Variants in PCDHGA11 observed in about 807,000 individuals in gnomAD.
The protein encoded by PCDHGA11 is protocadherin gamma subfamily A, 11, also known as protocadherin gamma-A11.
Under a neutral mutation model 60.4 loss-of-function variants are expected in PCDHGA11, and 39 were observed. The ratio of observed to expected loss-of-function variants is 0.65; its 90% CI spans 0.50 to 0.84. The LOEUF (loss-of-function observed/expected upper bound fraction) is 0.84. Ranked by LOEUF, PCDHGA11 falls within the 40% of genes least tolerant of loss-of-function variation. The probability of loss-of-function intolerance (pLI) is 0.00; values close to 1 mark genes in which losing one functional copy is unlikely to be tolerated. For synonymous variants in PCDHGA11, 533 were observed against 510.3 expected, an observed-to-expected ratio of 1.04 and a Z score of -0.60; for missense variants, 1,165 against 1,197.7, an observed-to-expected ratio of 0.97 and a Z score of 0.40.
At position 141,422,092 on chromosome 5, in the gene PCDHGA11, G is replaced by T; in HGVS notation, c.865G>T (p.Ala289Ser). 6.2e-7 allele frequency: 1 copy of T among 1,611,520 alleles called. No individual in the cohort carries two copies. The highest frequency in any genetic ancestry group is 8.5e-7 in the Non-Finnish European group (1 of 1,179,176). ...MYSFRNMESK[A>S]SEIFQLDSQT... ...TTCATTTCGGAACATGGAAAGCAAG[G>T]CTTCTGAAATATTCCAATTGGATTC... is the stretch of plus-strand genomic sequence containing the variant. The change falls in exon 1 of 4, where the codon GCT becomes TCT. Residue 289 changes from alanine (A) to serine (S), a missense_variant. By Grantham distance (99) the Ala-to-Ser change is moderately conservative. Coordinates refer to ENST00000398587, the MANE Select transcript of PCDHGA11 (RefSeq NM_018914.3).
At chr5:141,451,170 A>G (rs960062747) in intron 1 of PCDHGA11, among the ~76,000 whole-genome samples, 8 of 152,148 alleles carry the variant, frequency 5.3e-5, no homozygotes, top group East Asian at 3.9e-4. Flanking sequence ...GTAGTATATT[A>G]TTTAGCCATT....
chr5:141,454,796 A>ATTTTTTTTTTTTTTTTTTTTTTTTTTTT (rs61612330), intron 1 of PCDHGA11, among the ~76,000 whole-genome samples: 3 of 77,456 alleles, frequency 3.9e-5, no homozygotes, highest in Admixed American at 1.8e-4. Flanking sequence ...CATGGTTCTA[A>ATTTTTTTTTTTTTTTTTTTTTTTTTTTT]TTTTTTTTTT....
chr5:141,509,199 GTC>G (rs1017134758), intron 3 of PCDHGA11, among the ~76,000 whole-genome samples: 1 of 152,070 alleles, frequency 6.6e-6, no homozygotes, highest in Non-Finnish European at 1.5e-5. Context: ...AATATTTCCT[GTC>G]TCTCTATTTC....
intron 1 of PCDHGA11, among the ~76,000 whole-genome samples, chr5:141,450,616 A>G (rs2098687684): frequency 6.6e-6 from 1 of 151,486 alleles, no homozygotes; most frequent in African/African-American, 2.4e-5. Flanking sequence ...CCTCCTGAGT[A>G]GCTGGGATTA....
rs1316659737 is a variant in PCDHGA11 at position 141,490,964 on chromosome 5, C to T, written c.2434-3843C>T. ...CCACGGCCAGACTGGGAACACTCAG[C>T]CCCCCAGCGTCTCCCTCGCTCTGCT... On this transcript the variant is annotated intron_variant, in intron 1 of 3. Transcript: ENST00000398587. The surrounding 1 kb of genome is among the most constrained non-coding windows in gnomAD (Gnocchi z 5.4). 2.5e-6 allele frequency: 4 copies of T among 1,613,608 alleles called. No homozygotes were observed. Among genetic ancestry groups the T allele is most frequent in the East Asian group, 2.2e-5 (1 of 44,882 alleles).
At chr5:141,456,341 C>G (rs950158154) in intron 1 of PCDHGA11, among the ~76,000 whole-genome samples, 4 of 152,034 alleles carry the variant, frequency 2.6e-5, no homozygotes, top group Admixed American at 1.3e-4. Context: ...TAAGGGTCCT[C>G]GGAAGAATGG....
intron 1 of PCDHGA11, chr5:141,427,980 G>A (rs1398178738): frequency 6.3e-7 from 1 of 1,596,206 alleles, no homozygotes. Context: ...CCCCGCGCTG[G>A]GGCCCGATGG....
chr5:141,466,415 C>T (rs995296505), intron 1 of PCDHGA11, among the ~76,000 whole-genome samples: 6 of 152,136 alleles, frequency 3.9e-5, no homozygotes, highest in Non-Finnish European at 8.8e-5. Context: ...ATTTTTCAGT[C>T]AGAATTGTGT....
chr5:141,489,165 G>T lies in PCDHGA11; in HGVS notation c.2434-5642G>T. ...GAAGGAGACATAAGAGACTTCAGCT[G>T]CTGCATTCCAAGCCCTGGGTCTACC... On this transcript the variant is annotated intron_variant, in intron 1 of 3. Coordinates refer to ENST00000398587, the MANE Select transcript of PCDHGA11 (RefSeq NM_018914.3). This position sits in a 1 kb window ranked among gnomAD's most constrained non-coding sequence, Gnocchi z 4.5. 9.2e-7 allele frequency: 1 copy of T among 1,082,084 alleles called. No homozygotes were observed. Among genetic ancestry groups the T allele is most frequent in the Non-Finnish European group, 1.3e-6 (1 of 745,856 alleles). 67.0% of individuals were successfully genotyped at this position (1,082,084 alleles called of 1,614,324 possible).
chr5:141,462,372 C>A (rs2099038225), intron 1 of PCDHGA11, among the ~76,000 whole-genome samples: 1 of 152,096 alleles, frequency 6.6e-6, no homozygotes, highest in African/African-American at 2.4e-5. Flanking sequence ...AGTTTCTATT[C>A]TTTTAAATTC....
intron 2 of PCDHGA11, among the ~76,000 whole-genome samples, chr5:141,498,839 A>C (rs2099786236): frequency 6.6e-6 from 1 of 152,062 alleles, no homozygotes; most frequent in Non-Finnish European, 1.5e-5. Context: ...AGGCTGAGGC[A>C]GGGGAATCGC....
Position 141,423,072 on chromosome 5 carries a change from G to A in PCDHGA11, c.1845G>A (p.Pro615=). Residue 615 remains proline (P), a synonymous_variant, in exon 1 of 4, where the codon CCG becomes CCA. Coordinates refer to ENST00000398587, the MANE Select transcript of PCDHGA11 (RefSeq NM_018914.3). ...ATCGCCTGCTTAAGGCCAGCGAGCC[G>A]GGACTCTTCGCGGTGGGGGAGCACA... ...LSYRLLKASE[P]GLFAVGEHTG... is the part of the protein sequence containing the mutation. 2 of 1,614,120 alleles carry A rather than the reference G, an allele frequency of 1.2e-6. No homozygotes were observed. The highest frequency in any genetic ancestry group is 1.7e-6 in the Non-Finnish European group (2 of 1,180,024).
At chr5:141,499,025 GAAGA>G (rs1309889371) in intron 2 of PCDHGA11, among the ~76,000 whole-genome samples, 11 of 140,712 alleles carry the variant, frequency 7.8e-5, no homozygotes, top group African/African-American at 2.6e-4. Flanking sequence ...AGGAAGGAAG[GAAGA>G]AAAGAAAGAA....
rs777535652 is a variant in PCDHGA11, at chr5:141,422,941, G to C, written c.1714G>C (p.Gly572Arg). ...CCTGTACCCTGCCCTCCCCACAGAC[G>C]GCTCCACTGGCGTGGAGCTGGCGCC... Reference protein sequence around the residue: ...EILYPALPTDGSTGVELAPRS... With the variant: ...EILYPALPTDRSTGVELAPRS... Residue 572 changes from glycine (G) to arginine (R), a missense_variant, in exon 1 of 4, where the codon GGC (glycine) becomes CGC (arginine). Transcript: ENST00000398587. 2 of 1,614,218 alleles carry C rather than the reference G, an allele frequency of 1.2e-6. No individual in the cohort carries two copies. Among genetic ancestry groups the C allele is most frequent in the Non-Finnish European group, 1.7e-6 (2 of 1,180,044 alleles).
intron 1 of PCDHGA11, among the ~76,000 whole-genome samples, chr5:141,472,725 C>T (rs1250092748): frequency 6.6e-6 from 1 of 152,022 alleles, no homozygotes; most frequent in Non-Finnish European, 1.5e-5. Flanking sequence ...GTGGCTCACA[C>T]CTGTAATCCC....
rs13436338 is a variant in PCDHGA11, at chr5:141,468,261, G to A, written c.2434-26546G>A. On this transcript the variant is annotated intron_variant, in intron 1 of 3. Coordinates refer to ENST00000398587, the MANE Select transcript of PCDHGA11 (RefSeq NM_018914.3). ...AATTGCCTGAACCTGGGAGGCAGAG[G>A]TTGTGGTGAGCCGAGACCACGCCAT... Among the ~76,000 whole-genome samples, 391 of 149,216 alleles carry A rather than the reference G, an allele frequency of 2.6e-3. 2 individuals are homozygous for A. Among genetic ancestry groups the A allele is most frequent in the African/African-American group, 9.3e-3 (377 of 40,498 alleles).
At chr5:141,430,910 G>T in intron 1 of PCDHGA11, 2 of 1,608,040 alleles carry the variant, frequency 1.2e-6, no homozygotes, top group Middle Eastern at 1.7e-4. Context: ...CATCTCCAGG[G>T]ACCTGGGGCT....
Position 141,421,700 on chromosome 5 carries a change from C to G in PCDHGA11, c.473C>G (p.Ala158Gly). 1 of 1,613,900 alleles carries G rather than the reference C, an allele frequency of 6.2e-7. No individual in the cohort carries two copies. The highest frequency in any genetic ancestry group is 8.5e-7 in the Non-Finnish European group (1 of 1,179,856). ...IPGARFALPN[A>G]RDPDVGVNSL... ...GGGGCGCGATTTGCTCTTCCTAATG[C>G]TAGGGATCCAGATGTGGGCGTGAAC... The change falls in exon 1 of 4, where the codon GCT (alanine) becomes GGT (glycine). Residue 158 changes from alanine to glycine, a missense_variant. Ala to Gly is a moderately conservative substitution (Grantham distance 60). Coordinates refer to ENST00000398587, the MANE Select transcript of PCDHGA11 (RefSeq NM_018914.3).
In PCDHGA11 at chr5:141,460,961, A is replaced by ATATGTGTGTG. The variant is rs1463306338; in HGVS notation, c.2434-33845_2434-33844insATGTGTGTGT. On this transcript the variant is annotated intron_variant, in intron 1 of 3. Coordinates refer to ENST00000398587, the MANE Select transcript of PCDHGA11 (RefSeq NM_018914.3). ...ATATATATGTATTATGTATATATAT[A>ATATGTGTGTG]TGTGTGTGTGTGTGTGTGTGTGTAT... Among the ~76,000 whole-genome samples the ATATGTGTGTG allele has an allele frequency of 1.3e-3, 194 of 144,616 alleles. 1 individual carries two copies. The highest frequency in any genetic ancestry group is 4.7e-3 in the African/African-American group (182 of 38,716). 94.9% of individuals were successfully genotyped at this position (144,616 alleles called of 152,430 possible). A position where few individuals can be genotyped will look rare whatever the true frequency, so the allele number is the denominator to read the frequency against.
Sources: allele counts gnomAD v4.1 joint callset (sites outside exome capture counted in the v4.1 genomes callset), GRCh38; gene constraint gnomAD v4.1.1; non-coding constraint Gnocchi (gnomAD v3.1); transcripts MANE v1.5; gene names NCBI Gene and HGNC (gene_info 2026-07-23, HGNC 2026-07-21).